The following MAP3K15 variants were observed in gnomAD, a reference collection of about 807,000 sequenced individuals.
The protein encoded by MAP3K15 is mitogen-activated protein kinase kinase kinase 15, also known as MAPK/ERK kinase kinase 15.
Under a neutral mutation model 99.5 loss-of-function variants are expected in MAP3K15, and 124 were observed. The ratio of observed to expected loss-of-function variants is 1.25; its 90% confidence interval spans 1.08 to 1.45. The LOEUF is 1.45. Among genes scored for constraint, MAP3K15 ranks in the 40% most tolerant of loss-of-function variants. The pLI, the probability that MAP3K15 is intolerant of heterozygous loss-of-function variation, is 0.00. For missense variants in MAP3K15, 1,242 were observed against 1,079.7 expected (o/e 1.15, Z -2.11); for synonymous variants, 494 against 439.6 (o/e 1.12, Z -1.55).
intron 7 of MAP3K15, among the ~76,000 whole-genome samples, chrX:19,429,836 T>G (rs780557905): frequency 1.1e-5 from 1 of 87,614 alleles, no homozygotes; most frequent in African/African-American, 4.0e-5. Flanking sequence ...GCAGTTAGAA[T>G]TGAATGAAAG....
At chrX:19,493,256 C>T (rs1400169208) in intron 1 of MAP3K15, among the ~76,000 whole-genome samples, 1 of 104,829 alleles carries the variant, frequency 9.5e-6, no homozygotes, top group African/African-American at 3.5e-5. Context: ...TTTGCCTTCT[C>T]AACATTCTGT....
In MAP3K15 at chrX:19,515,346, C is replaced by T. The variant is rs1157028688; in HGVS notation, c.-85G>A. 6.6e-6 allele frequency: 4 copies of T among 603,374 alleles called. No homozygotes were observed. The highest frequency in any genetic ancestry group is 4.9e-5 in the African/African-American group (2 of 40,939). 49.7% of individuals were successfully genotyped at this position (603,374 alleles called of 1,213,427 possible). A position where few individuals can be genotyped will look rare whatever the true frequency, so the allele number is the denominator to read the frequency against. ...GCACAAGTTACAGCAGCCGCGCAGGCGGTCCCGGCACCTGCTCCTGAAGCG... is the reference window on the plus strand; with the variant it reads ...GCACAAGTTACAGCAGCCGCGCAGGTGGTCCCGGCACCTGCTCCTGAAGCG... On this transcript the variant is annotated 5_prime_UTR_variant, in exon 1 of 29. Transcript: ENST00000338883.
At position 19,415,269 on chromosome X, in the gene MAP3K15, A is replaced by G; in HGVS notation, c.1440-12T>C. The G allele has an allele frequency of 8.7e-7, 1 of 1,155,331 alleles. No individual in the cohort carries two copies. Among genetic ancestry groups the G allele is most frequent in the Non-Finnish European group, 1.1e-6 (1 of 871,690 alleles). On this transcript the variant is annotated splice_polypyrimidine_tract_variant and intron_variant, in intron 9 of 28. Transcript: ENST00000338883. ...ATGATCGCAGGTACCTGGAAAAATCACAAACAGCAATATATTGGATTCCTA... is the reference window on the plus strand; with the variant it reads ...ATGATCGCAGGTACCTGGAAAAATCGCAAACAGCAATATATTGGATTCCTA...
intron 6 of MAP3K15, among the ~76,000 whole-genome samples, chrX:19,434,086 G>A (rs985252071): frequency 2.7e-5 from 3 of 112,255 alleles, no homozygotes; most frequent in Non-Finnish European, 5.6e-5. Context: ...AATGTACATA[G>A]ACAAAAGTCT....
At chrX:19,381,069 G>A (rs896754210) in intron 18 of MAP3K15, among the ~76,000 whole-genome samples, 5 of 112,040 alleles carry the variant, frequency 4.5e-5, no homozygotes, top group Non-Finnish European at 9.4e-5. Flanking sequence ...GTAGGTGCTA[G>A]GACAGAGAAA....
intron 3 of MAP3K15, among the ~76,000 whole-genome samples, chrX:19,465,315 T>C (rs1052650539): frequency 3.6e-5 from 4 of 111,902 alleles, no homozygotes; most frequent in Admixed American, 9.5e-5. Context: ...CGAGTCAATG[T>C]TGTCTTAGAC....
chrX:19,420,519 A>G (rs1472101768), intron 9 of MAP3K15, among the ~76,000 whole-genome samples: 4 of 111,678 alleles, frequency 3.6e-5, no homozygotes, highest in Non-Finnish European at 7.5e-5. Context: ...GACCAATAAC[A>G]GGCTCTGAAA....
chrX:19,472,639 C>T (rs992581834), intron 3 of MAP3K15, among the ~76,000 whole-genome samples: 1 of 111,611 alleles, frequency 9.0e-6, no homozygotes, highest in Non-Finnish European at 1.9e-5. Flanking sequence ...CTCCCCCTAC[C>T]TACATTCTCT....
intron 26 of MAP3K15, among the ~76,000 whole-genome samples, chrX:19,362,172 T>TC (rs767713761): frequency 1.7e-3 from 190 of 109,412 alleles, no homozygotes; most frequent in African/African-American, 5.8e-3. Flanking sequence ...TCTGATTCTG[T>TC]CCCTGTAGTT....
chrX:19,422,943 CCACATGTT>C (rs1182244845), intron 9 of MAP3K15, among the ~76,000 whole-genome samples: 4 of 107,910 alleles, frequency 3.7e-5, no homozygotes. Flanking sequence ...AAACCAAACA[CCACATGTT>C]CTCACTCATA....
chrX:19,384,091 T>C (rs1224515346), intron 18 of MAP3K15, among the ~76,000 whole-genome samples: 1 of 112,093 alleles, frequency 8.9e-6, no homozygotes, highest in East Asian at 2.8e-4. Context: ...AACCTAAGTG[T>C]CCATCAACAG....
chrX:19,423,982 A>G (rs980860174), intron 9 of MAP3K15, among the ~76,000 whole-genome samples: 2 of 111,260 alleles, frequency 1.8e-5, no homozygotes, highest in African/African-American at 6.5e-5. Context: ...ATGTTGTCAC[A>G]CATTTTTGCT....
At position 19,360,955 on chromosome X, in the gene MAP3K15, G is replaced by A. The variant is rs995720508; in HGVS notation, c.3858-122C>T. The A allele has an allele frequency of 1.4e-4, 72 of 501,598 alleles. No homozygotes were observed. The highest frequency in any genetic ancestry group is 2.2e-4 in the Non-Finnish European group (69 of 307,302). The allele number at this position is 501,598 out of a possible 1,213,427, so 41.3% of individuals were successfully genotyped here. ...CATTCTCCTCACATATGGAGGTGAC[G>A]CTCGTGTCCCAGCAGTAGTAGGACA... is the stretch of plus-strand genomic sequence containing the variant. On this transcript the variant is annotated intron_variant, in intron 28 of 28. Transcript: ENST00000338883.
chrX:19,502,093 G>T (rs965505359), intron 1 of MAP3K15, among the ~76,000 whole-genome samples: 14 of 111,364 alleles, frequency 1.3e-4, no homozygotes, highest in Non-Finnish European at 2.4e-4. Flanking sequence ...AATCACAATT[G>T]TTTTGCCTGT....
At chrX:19,373,826 C>T (rs1017046592) in intron 20 of MAP3K15, 131 bp from the exon 21 acceptor site, 131 of 680,046 alleles carry the variant, frequency 1.9e-4, no homozygotes, top group African/African-American at 3.1e-4. Flanking sequence ...GTGGGTTGGG[C>T]GGGGGACGGG....
At chrX:19,440,431 G>A (rs892278397) in intron 6 of MAP3K15, among the ~76,000 whole-genome samples, 5 of 112,766 alleles carry the variant, frequency 4.4e-5, no homozygotes, top group African/African-American at 9.6e-5. Flanking sequence ...AACTAGAAGC[G>A]ACCTGTGTCT....
At chrX:19,362,988 G>A (rs1469166579) in intron 25 of MAP3K15, 138 bp from the exon 26 acceptor site, 2 of 387,757 alleles carry the variant, frequency 5.2e-6, no homozygotes, top group African/African-American at 2.5e-5. Context: ...TCAGCCTAGA[G>A]AGGGAAGCAC....
chrX:19,509,706 A>C (rs946519794), intron 1 of MAP3K15, among the ~76,000 whole-genome samples: 1 of 111,538 alleles, frequency 9.0e-6, no homozygotes, highest in Non-Finnish European at 1.9e-5. Context: ...GAGCAAACAC[A>C]TTCAAAAGCT....
chrX:19,417,729 T>C (rs768551978), intron 9 of MAP3K15, among the ~76,000 whole-genome samples: 1 of 111,941 alleles, frequency 8.9e-6, no homozygotes, highest in African/African-American at 3.2e-5. Context: ...GATCTGAGAA[T>C]GGACAGACTG....
Sources: allele counts gnomAD v4.1 joint callset (sites outside exome capture counted in the v4.1 genomes callset), GRCh38; gene constraint gnomAD v4.1.1; transcripts MANE v1.5; gene names NCBI Gene and HGNC (gene_info 2026-07-23, HGNC 2026-07-21).